The following DIP2B variants were observed in gnomAD, a reference collection of about 807,000 sequenced individuals.
DIP2B encodes disco-interacting protein 2 homolog B.
DIP2B carries 76 observed loss-of-function variants against 198.0 expected under a neutral mutation model. That is an observed-to-expected ratio of 0.38 (90% CI 0.32 to 0.46). The LOEUF is 0.46. Among genes scored for constraint, DIP2B ranks in the 20% least tolerant of loss-of-function variants. The pLI is 0.99. For missense variants in DIP2B, 1,559 were observed against 1,978.4 expected (o/e 0.79, Z 4.02); for synonymous variants, 701 against 739.1 (o/e 0.95, Z 0.84).
intron 22 of DIP2B, among the ~76,000 whole-genome samples, chr12:50,712,433 G>C (rs905240724): frequency 6.6e-6 from 1 of 151,678 alleles, no homozygotes; most frequent in African/African-American, 2.4e-5. Context: ...GTAAAACCCT[G>C]TCTCTACTAA....
intron 1 of DIP2B, among the ~76,000 whole-genome samples, chr12:50,542,482 CT>C (rs1958335536): frequency 2.0e-5 from 3 of 152,134 alleles, no homozygotes; most frequent in African/African-American, 7.2e-5. Context: ...TTACTCAGAC[CT>C]GTGCTATATA....
In DIP2B at chr12:50,605,160, C is replaced by T. The variant is rs565735319; in HGVS notation, c.101-20816C>T. 3.9e-5 allele frequency among the ~76,000 whole-genome samples: 6 copies of T among 152,254 alleles called. No homozygotes were observed. In the East Asian group the frequency reaches 5.8e-4, roughly 15 times the overall value. On this transcript the variant is annotated intron_variant, in intron 1 of 37. Coordinates refer to ENST00000301180, the MANE Select transcript of DIP2B (RefSeq NM_173602.3). ...GCAGTAAGGTTTAAAAAACCCCCAA[C>T]TTTATTGAGGTATAATTCACGTATC...
At chr12:50,686,049 A>C (rs979719858) in intron 11 of DIP2B, 93 bp downstream of exon 11, 2 of 1,266,954 alleles carry the variant, frequency 1.6e-6, no homozygotes, top group Non-Finnish European at 2.2e-6. Flanking sequence ...TACTTTACAT[A>C]TATGTTCTAT....
At chr12:50,624,403 G>A (rs750563181) in intron 1 of DIP2B, among the ~76,000 whole-genome samples, 12 of 152,104 alleles carry the variant, frequency 7.9e-5, no homozygotes, top group Admixed American at 2.6e-4. Context: ...CGCGATCTCG[G>A]CTCACTGCAA....
At chr12:50,560,317 C>T (rs1488886939) in intron 1 of DIP2B, among the ~76,000 whole-genome samples, 1 of 151,618 alleles carries the variant, frequency 6.6e-6, no homozygotes, top group Non-Finnish European at 1.5e-5. Flanking sequence ...ATGGCGTGAA[C>T]CTGGGAGGTG....
At position 50,718,945 on chromosome 12, in the gene DIP2B, A is replaced by C. The variant is rs1385326828; in HGVS notation, c.2962-10A>C. ...TGACCCTGAGTCCTTTTTCTGGTTT[A>C]TGACTTCAGCACCAGTTTCTGGCAG... On this transcript the variant is annotated splice_polypyrimidine_tract_variant and intron_variant, in intron 24 of 37. Coordinates refer to ENST00000301180, the MANE Select transcript of DIP2B (RefSeq NM_173602.3). 6.2e-7 allele frequency: 1 copy of C among 1,613,980 alleles called. No individual in the cohort carries two copies. Among genetic ancestry groups the C allele is most frequent in the African/African-American group, 1.3e-5 (1 of 74,898 alleles).
intron 1 of DIP2B, among the ~76,000 whole-genome samples, chr12:50,540,259 C>G (rs1359528270): frequency 6.6e-6 from 1 of 150,922 alleles, no homozygotes; most frequent in Non-Finnish European, 1.5e-5. Flanking sequence ...AGGTGCCCAC[C>G]ACCACACCAG....
chr12:50,707,535 A>C (rs984745069), intron 21 of DIP2B, among the ~76,000 whole-genome samples: 1 of 152,236 alleles, frequency 6.6e-6, no homozygotes, highest in African/African-American at 2.4e-5. Context: ...CATTCAACAA[A>C]TATTCATTGG....
intron 5 of DIP2B, among the ~76,000 whole-genome samples, chr12:50,674,064 A>G (rs1938901725): frequency 6.6e-6 from 1 of 152,228 alleles, no homozygotes; most frequent in Non-Finnish European, 1.5e-5. Context: ...AAACTATAAC[A>G]ATCAAGAAAT....
At chr12:50,741,296 A>T in intron 36 of DIP2B, 120 bp from the exon 37 acceptor site, 1 of 1,259,686 alleles carries the variant, frequency 7.9e-7, no homozygotes, top group Non-Finnish European at 1.1e-6. Context: ...GCCCAGAGTT[A>T]CACAGTTGGT....
chr12:50,665,562 G>C (rs1938737160), intron 4 of DIP2B, among the ~76,000 whole-genome samples: 1 of 152,172 alleles, frequency 6.6e-6, no homozygotes, highest in Non-Finnish European at 1.5e-5. Context: ...GGGCAACATA[G>C]CAAGAGTTAT....
intron 5 of DIP2B, 142 bp downstream of exon 5, chr12:50,671,540 A>G (rs1938854909): frequency 3.8e-6 from 3 of 799,514 alleles, no homozygotes; most frequent in Admixed American, 5.7e-5. Context: ...TAATGAGGAA[A>G]AGATGGAAAC....
intron 1 of DIP2B, among the ~76,000 whole-genome samples, chr12:50,625,355 G>A (rs1362163414): frequency 1.3e-5 from 2 of 152,022 alleles, no homozygotes; most frequent in Non-Finnish European, 2.9e-5. Flanking sequence ...TGCATTTGTT[G>A]TATATGCACT....
chr12:50,548,758 T>A (rs1418569626), intron 1 of DIP2B, among the ~76,000 whole-genome samples: 1 of 152,188 alleles, frequency 6.6e-6, no homozygotes, highest in Non-Finnish European at 1.5e-5. Context: ...ACTCCTGACC[T>A]CAGGTAATTC....
rs1939299593 is a variant in DIP2B at position 50,695,761 on chromosome 12, A to C, written c.1814-87A>C. The C allele has an allele frequency of 1.1e-5, 17 of 1,545,216 alleles. 1 individual carries two copies. In the South Asian group the frequency reaches 2.0e-4, roughly 18 times the overall value. Reference sequence around the variant, plus strand: ...CTCCAAGCAAATATCATGATTCCCCAAATAAGTAAAAATGTTTTTATTGTG... The same window carrying C: ...CTCCAAGCAAATATCATGATTCCCCCAATAAGTAAAAATGTTTTTATTGTG... On this transcript the variant is annotated intron_variant, in intron 15 of 37. Transcript: ENST00000301180.
chr12:50,592,279 A>C (rs1033107161), intron 1 of DIP2B, among the ~76,000 whole-genome samples: 2 of 152,104 alleles, frequency 1.3e-5, no homozygotes, highest in Non-Finnish European at 2.9e-5. Flanking sequence ...GGCTCAGGCA[A>C]TCCTCTTGCC....
At chr12:50,547,217 A>G (rs1430493099) in intron 1 of DIP2B, among the ~76,000 whole-genome samples, 1 of 152,200 alleles carries the variant, frequency 6.6e-6, no homozygotes, top group Non-Finnish European at 1.5e-5. Context: ...TCAGTTGGTA[A>G]TACAAATTAA....
At chr12:50,719,666 C>T (rs1051645794) in intron 25 of DIP2B, among the ~76,000 whole-genome samples, 33 of 151,748 alleles carry the variant, frequency 2.2e-4, no homozygotes, top group African/African-American at 7.5e-4. Flanking sequence ...ACATGTGAAA[C>T]GCTGTCTCTA....
At chr12:50,645,111 C>T (rs1565856778) in intron 3 of DIP2B, among the ~76,000 whole-genome samples, 1 of 152,052 alleles carries the variant, frequency 6.6e-6, no homozygotes, top group Non-Finnish European at 1.5e-5. Context: ...AAGTAAATTC[C>T]AAGGACACTA....
Sources: gnomAD v4.1 joint callset for allele counts (sites outside exome capture counted in the v4.1 genomes callset) on GRCh38, gnomAD v4.1.1 for gene constraint, MANE v1.5 for transcripts, NCBI Gene and HGNC (gene_info 2026-07-23, HGNC 2026-07-21) for gene names.